ANO3: variants seen among roughly 807,000 people sequenced by gnomAD.
ANO3 encodes anoctamin-3.
Under a neutral mutation model 144.8 loss-of-function variants are expected in ANO3, and 99 were observed. The ratio of observed to expected loss-of-function variants is 0.68; its 90% CI spans 0.58 to 0.81. The LOEUF is 0.81. ANO3 is among the 30% of genes least tolerant of loss of function. The pLI, the probability that ANO3 is intolerant of heterozygous loss-of-function variation, is 0.00. For missense variants in ANO3, 905 were observed against 1,202.2 expected (o/e 0.75, Z 3.66); for synonymous variants, 414 against 392.6 (o/e 1.05, Z -0.64).
intron 1 of ANO3, among the ~76,000 whole-genome samples, chr11:26,268,430 G>C (rs1408436885): frequency 6.6e-6 from 1 of 152,046 alleles, no homozygotes; most frequent in African/African-American, 2.4e-5. Context: ...ACAGCCCCTC[G>C]GGGGTTTGAT....
At chr11:26,591,378 A>G (rs577218873) in intron 14 of ANO3, among the ~76,000 whole-genome samples, 2 of 152,294 alleles carry the variant, frequency 1.3e-5, no homozygotes, top group African/African-American at 2.4e-5. Flanking sequence ...AGGCTGGTCC[A>G]GGGGTCTGCA....
chr11:26,487,388 T>A (rs970545650), intron 4 of ANO3, among the ~76,000 whole-genome samples: 1 of 152,222 alleles, frequency 6.6e-6, no homozygotes, highest in Admixed American at 6.5e-5. Flanking sequence ...GAACTGTAAG[T>A]CCAATTAAAC....
chr11:26,656,102 A>G lies in ANO3; in HGVS notation c.2577-23A>G, dbSNP rs369711959. The G allele has an allele frequency of 1.2e-5, 19 of 1,560,132 alleles. No individual in the cohort carries two copies. In the African/African-American group the frequency reaches 2.2e-4, roughly 18 times the overall value. The stretch of plus-strand genomic sequence containing the variant: ...AGAAACGTATGAATCTTTGAATCAC[A>G]TGATATTTTTCTTTTCTCCCAGTTG... On this transcript the variant is annotated intron_variant, in intron 24 of 26. Transcript: ENST00000256737.
At chr11:26,322,961 T>C (rs1590259668) in intron 1 of ANO3, among the ~76,000 whole-genome samples, 1 of 152,268 alleles carries the variant, frequency 6.6e-6, no homozygotes, top group African/African-American at 2.4e-5. Context: ...CATGGACTCA[T>C]GGATATATAT....
chr11:26,307,325 G>A (rs181936107), upstream of ANO3, among the ~76,000 whole-genome samples: 3 of 152,228 alleles, frequency 2.0e-5, no homozygotes, highest in East Asian at 5.8e-4. Flanking sequence ...TTGCACTCCA[G>A]CCTGGGCAAC....
intron 1 of ANO3, among the ~76,000 whole-genome samples, chr11:26,369,310 T>C (rs1856183639): frequency 6.6e-6 from 1 of 152,136 alleles, no homozygotes; most frequent in African/African-American, 2.4e-5. Context: ...CTGGAAACAT[T>C]AAAATGTCAA....
At chr11:26,449,301 T>C (rs928822461) in intron 3 of ANO3, among the ~76,000 whole-genome samples, 3 of 152,274 alleles carry the variant, frequency 2.0e-5, no homozygotes, top group Non-Finnish European at 4.4e-5. Context: ...TTATTTAGGT[T>C]ATTCACCCCA....
At chr11:26,487,999 C>G (rs1860531523) in intron 4 of ANO3, among the ~76,000 whole-genome samples, 1 of 152,154 alleles carries the variant, frequency 6.6e-6, no homozygotes, top group East Asian at 1.9e-4. Flanking sequence ...AACCCCATCT[C>G]TACTAAAAAT....
At chr11:26,310,157 A>G (rs1199470607) in intron 1 of ANO3, among the ~76,000 whole-genome samples, 1 of 152,228 alleles carries the variant, frequency 6.6e-6, no homozygotes, top group Non-Finnish European at 1.5e-5. Flanking sequence ...ATATGTGCAA[A>G]GATAGCTACA....
intron 1 of ANO3, among the ~76,000 whole-genome samples, chr11:26,284,763 G>A (rs1265328581): frequency 6.6e-6 from 1 of 151,982 alleles, no homozygotes; most frequent in African/African-American, 2.4e-5. Context: ...AAAATTAGCC[G>A]GGCGTGCTGG....
intron 13 of ANO3, among the ~76,000 whole-genome samples, chr11:26,555,312 A>G (rs1304750739): frequency 6.6e-6 from 1 of 152,180 alleles, no homozygotes; most frequent in Non-Finnish European, 1.5e-5. Context: ...TTTTAGACAT[A>G]AAACAGCCTA....
chr11:26,523,695 G>A (rs955242957), intron 6 of ANO3, among the ~76,000 whole-genome samples: 3 of 152,132 alleles, frequency 2.0e-5, no homozygotes, highest in Admixed American at 6.5e-5. Flanking sequence ...TACCATATAA[G>A]TGTTCTAAAA....
At chr11:26,272,083 G>T (rs573399040) in intron 1 of ANO3, among the ~76,000 whole-genome samples, 1 of 152,064 alleles carries the variant, frequency 6.6e-6, no homozygotes, top group East Asian at 1.9e-4. Context: ...TCGTCTCCCG[G>T]TGAGCGGTTC....
chr11:26,563,121 T>C (rs780511097), intron 14 of ANO3: 17 of 1,611,356 alleles, frequency 1.1e-5, no homozygotes, highest in Admixed American at 1.7e-5. Context: ...TTTACCTGGT[T>C]CATTTCTGTC....
chr11:26,326,438 T>A (rs951459574), intron 1 of ANO3, among the ~76,000 whole-genome samples: 3 of 152,182 alleles, frequency 2.0e-5, no homozygotes, highest in Non-Finnish European at 2.9e-5. Flanking sequence ...TGCACGTACT[T>A]TTTTGCCAAA....
intron 1 of ANO3, among the ~76,000 whole-genome samples, chr11:26,322,690 A>G (rs1372571762): frequency 6.6e-6 from 1 of 152,136 alleles, no homozygotes; most frequent in African/African-American, 2.4e-5. Context: ...ATGATCAATT[A>G]GATTTATGGC....
intron 7 of ANO3, among the ~76,000 whole-genome samples, chr11:26,530,466 T>TATCTATC (rs1849335347): frequency 1.6e-5 from 1 of 62,672 alleles, no homozygotes; most frequent in African/African-American, 5.0e-5. Flanking sequence ...TCTGTCTATC[T>TATCTATC]ATCTATCTAT....
intron 14 of ANO3, among the ~76,000 whole-genome samples, chr11:26,595,660 G>A (rs1478680300): frequency 6.6e-6 from 1 of 151,954 alleles, no homozygotes; most frequent in Non-Finnish European, 1.5e-5. Context: ...TCGTCCTGAA[G>A]GGAGTTCCTC....
intron 14 of ANO3, among the ~76,000 whole-genome samples, chr11:26,595,460 G>GTTGTTTTTTTTTTTTT (rs1301892343): frequency 2.0e-5 from 2 of 101,384 alleles, no homozygotes; most frequent in African/African-American, 8.4e-5. Flanking sequence ...AGATAGAGTT[G>GTTGTTTTTTTTTTTTT]TTTTTTTTTT....
Sources: gnomAD v4.1 joint callset for allele counts (sites outside exome capture counted in the v4.1 genomes callset) on GRCh38, gnomAD v4.1.1 for gene constraint, MANE v1.5 for transcripts, NCBI Gene and HGNC (gene_info 2026-07-23, HGNC 2026-07-21) for gene names.